Variants in IDE observed in about 807,000 individuals in gnomAD.
IDE encodes insulin-degrading enzyme.
IDE carries 58 observed loss-of-function variants against 133.2 expected under a neutral mutation model. The observed-to-expected ratio is 0.44, with a 90% CI of 0.35 to 0.54. The LOEUF (loss-of-function observed/expected upper bound fraction) is 0.54. Among genes scored for constraint, IDE ranks in the 20% least tolerant of loss-of-function variants. The pLI is 0.00. For missense variants in IDE, 981 were observed against 1,234.0 expected (o/e 0.79, Z 3.07); for synonymous variants, 396 against 421.3 (o/e 0.94, Z 0.73).
At chr10:92,504,066 T>G (rs767776022) in intron 11 of IDE, among the ~76,000 whole-genome samples, 45 of 152,206 alleles carry the variant, frequency 3.0e-4, no homozygotes, top group Admixed American at 1.0e-3. Flanking sequence ...ATTGTTGATC[T>G]TATTCATAAA....
At chr10:92,495,882 GTT>G (rs532013461) in intron 11 of IDE, among the ~76,000 whole-genome samples, 2 of 143,762 alleles carry the variant, frequency 1.4e-5, no homozygotes. Context: ...TTTTTTAAGT[GTT>G]TTTTTTTTTT....
intron 1 of IDE, among the ~76,000 whole-genome samples, chr10:92,564,420 C>T (rs1292769539): frequency 6.6e-6 from 1 of 151,744 alleles, no homozygotes; most frequent in African/African-American, 2.4e-5. Flanking sequence ...ACCTGTAATC[C>T]CAGCACTTTA....
At chr10:92,499,930 C>T (rs1369450832) in intron 11 of IDE, among the ~76,000 whole-genome samples, 3 of 152,156 alleles carry the variant, frequency 2.0e-5, no homozygotes, top group African/African-American at 4.8e-5. Context: ...TATAGATACG[C>T]AGCTAGTAGA....
intron 11 of IDE, among the ~76,000 whole-genome samples, chr10:92,494,373 T>G (rs1847562728): frequency 6.6e-6 from 1 of 150,624 alleles, no homozygotes; most frequent in African/African-American, 2.4e-5. Context: ...CAGCCCAGTT[T>G]TTTTTTTTTT....
intron 1 of IDE, among the ~76,000 whole-genome samples, chr10:92,543,903 CCTT>C (rs1260483930): frequency 2.6e-5 from 4 of 152,154 alleles, no homozygotes; most frequent in African/African-American, 9.7e-5. Flanking sequence ...TCACAAGTAT[CCTT>C]CTTCCACATG....
At chr10:92,479,610 A>AGTGT (rs3831274) in intron 14 of IDE, 189 bp from the exon 15 acceptor site, 94 of 470,274 alleles carry the variant, frequency 2.0e-4, no homozygotes, top group African/African-American at 8.4e-4. Context: ...AGTGTGTGTG[A>AGTGT]GTGTGTGTGT....
At chr10:92,549,336 C>A (rs370459994) in intron 1 of IDE, among the ~76,000 whole-genome samples, 2 of 152,036 alleles carry the variant, frequency 1.3e-5, no homozygotes, top group Non-Finnish European at 2.9e-5. Context: ...GATTTTATTA[C>A]CCCCAAAATA....
rs779904506 is a variant in IDE at position 92,487,311 on chromosome 10, T to A, written c.1541A>T (p.Gln514Leu). ...AAATTTCCCATTCAGGTCAGCATTT[T>A]GCCATTTCTGGATGAATAATGAAAC... is the stretch of plus-strand genomic sequence containing the variant. ...AIPDEVIKKW[Q>L]NADLNGKFKL... Residue 514 changes from glutamine to leucine, a missense_variant, in exon 13 of 25, where the codon CAA (glutamine) becomes CTA (leucine). Gln to Leu is a moderately radical substitution (Grantham distance 113). Around this residue, in one of 2 missense-constraint regions of IDE, gnomAD observed 660 missense variants for 894.7 expected, o/e 0.74. Coordinates refer to ENST00000265986, the MANE Select transcript of IDE (RefSeq NM_004969.4). 6.2e-7 allele frequency: 1 copy of A among 1,610,020 alleles called. No homozygotes were observed. Among genetic ancestry groups the A allele is most frequent in the Non-Finnish European group, 8.5e-7 (1 of 1,178,444 alleles).
At chr10:92,510,321 T>G (rs1848515932) in intron 5 of IDE, among the ~76,000 whole-genome samples, 159 bp from the exon 6 acceptor site, 1 of 152,122 alleles carries the variant, frequency 6.6e-6, no homozygotes, top group South Asian at 2.1e-4. Context: ...CTTTAAAAAA[T>G]TATTCACAAA....
Position 92,454,511 on chromosome 10 carries a change from A to G in IDE, c.2993T>C (p.Phe998Ser), listed in dbSNP as rs1844890174. Residue 998 changes from phenylalanine to serine, a missense_variant, in exon 25 of 25, where the codon TTC becomes TCC. Phe to Ser is a radical substitution (Grantham distance 155, BLOSUM62 -2). This residue lies in a region of IDE where 660 missense variants were observed against 894.7 expected (regional missense o/e 0.74). Transcript: ENST00000265986. ...GGGAAACAGTGGCAGACCACGCTTG[A>G]ATTCGGTCATGTTCTGAATCACTTC... ...QPEVIQNMTEFKRGLPLFPLV... is the reference protein window; with the variant it reads ...QPEVIQNMTESKRGLPLFPLV... 1 of 1,613,858 alleles carries G rather than the reference A, an allele frequency of 6.2e-7. No homozygotes were observed. The highest frequency in any genetic ancestry group is 1.1e-5 in the South Asian group (1 of 91,084).
chr10:92,460,546 GGAA>G (rs773207806), intron 22 of IDE, among the ~76,000 whole-genome samples: 5 of 152,030 alleles, frequency 3.3e-5, no homozygotes, highest in Admixed American at 6.6e-5. Context: ...GGGCCACACT[GGAA>G]GAAGAAGAAT....
chr10:92,457,810 T>A (rs1845110444), intron 22 of IDE, among the ~76,000 whole-genome samples: 1 of 152,110 alleles, frequency 6.6e-6, no homozygotes, highest in Non-Finnish European at 1.5e-5. Context: ...CCTGTTGATG[T>A]TGCACAGCAA....
intron 1 of IDE, among the ~76,000 whole-genome samples, chr10:92,551,313 C>T (rs959979012): frequency 2.0e-5 from 3 of 151,760 alleles, no homozygotes; most frequent in Admixed American, 2.0e-4. Context: ...CTCATGCCTG[C>T]AATCCCAGCA....
intron 21 of IDE, among the ~76,000 whole-genome samples, chr10:92,462,143 C>T (rs531994531): frequency 2.0e-5 from 3 of 151,958 alleles, no homozygotes; most frequent in African/African-American, 7.2e-5. Flanking sequence ...TGGTGAAACC[C>T]CATCTCTACT....
At chr10:92,524,462 T>TA (rs1849477454) in intron 4 of IDE, among the ~76,000 whole-genome samples, 1 of 46,824 alleles carries the variant, frequency 2.1e-5, no homozygotes, top group Non-Finnish European at 4.0e-5. Flanking sequence ...TATTATATAT[T>TA]TTATATAATA....
In IDE at chr10:92,508,219, A is replaced by G. The variant is rs1175508884; in HGVS notation, c.1061-14T>C. ...TATTAACCCAGCCTGCAACATTCAAAGGAAATCAATACGATTGATTGCATA... is the reference window on the plus strand; with the variant it reads ...TATTAACCCAGCCTGCAACATTCAAGGGAAATCAATACGATTGATTGCATA... On this transcript the variant is annotated splice_polypyrimidine_tract_variant and intron_variant, in intron 7 of 24. Transcript: ENST00000265986. 1 of 1,601,826 alleles carries G rather than the reference A, an allele frequency of 6.2e-7. No homozygotes were observed. Among genetic ancestry groups the G allele is most frequent in the Admixed American group, 1.7e-5 (1 of 58,516 alleles).
intron 9 of IDE, 51 bp from the exon 10 acceptor site, chr10:92,506,573 C>CTT (rs34053974): frequency 8.8e-4 from 600 of 682,484 alleles, no homozygotes; most frequent in South Asian, 1.7e-3. Flanking sequence ...ATTTAGAAAC[C>CTT]TTTTTTTTTT....
At chr10:92,571,254 T>A (rs1034627680) in intron 1 of IDE, among the ~76,000 whole-genome samples, 2 of 151,866 alleles carry the variant, frequency 1.3e-5, no homozygotes, top group African/African-American at 4.8e-5. Flanking sequence ...CCTCAAGTGA[T>A]CCCCCCGACC....
chr10:92,535,166 A>G (rs1841932586), intron 2 of IDE, among the ~76,000 whole-genome samples: 1 of 151,960 alleles, frequency 6.6e-6, no homozygotes, highest in African/African-American at 2.4e-5. Context: ...TGCAGTGGCG[A>G]GATCTTGGCT....
Sources: gnomAD v4.1 joint callset for allele counts (sites outside exome capture counted in the v4.1 genomes callset) on GRCh38, gnomAD v4.1.1 for gene constraint, gnomAD v4.1.1 regional missense constraint, MANE v1.5 for transcripts, NCBI Gene and HGNC (gene_info 2026-07-23, HGNC 2026-07-21) for gene names.